NGFR: variants seen among roughly 807,000 people sequenced by gnomAD.
NGFR encodes nerve growth factor receptor, also known as tumor necrosis factor receptor superfamily member 16.
In NGFR, 30 loss-of-function variants were observed where a neutral mutation model predicts 43.2. The observed-to-expected ratio is 0.69, with a 90% CI of 0.52 to 0.94. The LOEUF (loss-of-function observed/expected upper bound fraction) is 0.94, where lower values mean the gene tolerates loss of function less well. NGFR is among the 40% of genes least tolerant of loss of function. NGFR has a pLI of 0.00. For missense variants in NGFR, 529 were observed against 602.5 expected (o/e 0.88, Z 1.28); for synonymous variants, 246 against 259.6 (o/e 0.95, Z 0.50).
In NGFR at chr17:49,512,097, G is replaced by A. The variant is rs1326328884; in HGVS notation, c.982+45G>A. ...GGAGCTGAGGCGGAGCTGAGGCTGAGGAAACAGAAGCAATTAAGATTAGAC... is the reference window on the plus strand; with the variant it reads ...GGAGCTGAGGCGGAGCTGAGGCTGAAGAAACAGAAGCAATTAAGATTAGAC... On this transcript the variant is annotated intron_variant, in intron 5 of 5. Coordinates refer to ENST00000172229, the MANE Select transcript of NGFR (RefSeq NM_002507.4). The surrounding 1 kb of genome is among the most constrained non-coding windows in gnomAD (Gnocchi z 5.2). 2 of 1,592,900 alleles carry A rather than the reference G, an allele frequency of 1.3e-6. No individual in the cohort carries two copies. The highest frequency in any genetic ancestry group is 1.7e-6 in the Non-Finnish European group (2 of 1,169,324).
Position 49,495,459 on chromosome 17 carries a change from C to CCTG in NGFR, c.49_51dup (p.Leu21dup). 1 of 1,236,620 alleles carries CCTG rather than the reference C, an allele frequency of 8.1e-7. No individual in the cohort carries two copies. 76.6% of individuals were successfully genotyped at this position (1,236,620 alleles called of 1,614,324 possible). A position where few individuals can be genotyped will look rare whatever the true frequency, so the allele number is the denominator to read the frequency against. ...CCGGCCGCGCCATGGACGGGCCGCG[C>CCTG]CTGCTGCTGTTGCTGCTTCTGGGGG... is the stretch of plus-strand genomic sequence containing the variant. On this transcript the variant is annotated inframe_insertion, in exon 1 of 6. Coordinates refer to ENST00000172229, the MANE Select transcript of NGFR (RefSeq NM_002507.4). This position sits in a 1 kb window ranked among gnomAD's most constrained non-coding sequence, Gnocchi z 6.4.
rs1390519290 is a variant in NGFR at position 49,513,155 on chromosome 17, C to CA, written c.*150dup. On this transcript the variant is annotated 3_prime_UTR_variant, in exon 6 of 6. Coordinates refer to ENST00000172229, the MANE Select transcript of NGFR (RefSeq NM_002507.4). ...GGGCAGGACCTCAGAGTCCAGGCCC[C>CA]AAAACCACAGCCCTGTCAGTGCAGC... The CA allele has an allele frequency of 1.2e-6, 1 of 831,994 alleles. No individual in the cohort carries two copies. Among genetic ancestry groups the CA allele is most frequent in the East Asian group, 2.7e-5 (1 of 36,554 alleles). The allele number at this position is 831,994 out of a possible 1,614,324, so 51.5% of individuals were successfully genotyped here. A position where few individuals can be genotyped will look rare whatever the true frequency, so the allele number is the denominator to read the frequency against.
At chr17:49,510,882 C>T (rs1385018021) in intron 4 of NGFR, 1 of 586,696 alleles carries the variant, frequency 1.7e-6, no homozygotes. Context: ...CCTGCCCTGT[C>T]CTGGCTCCAG....
Position 49,512,987 on chromosome 17 carries a change from CCACTG to C in NGFR, c.1264_1268del (p.Thr422HisfsTer70). 1 of 1,585,552 alleles carries C rather than the reference CCACTG, an allele frequency of 6.3e-7. No homozygotes were observed. The highest frequency in any genetic ancestry group is 8.6e-7 in the Non-Finnish European group (1 of 1,164,160). On this transcript the variant is annotated frameshift_variant, in exon 6 of 6. Coordinates refer to ENST00000172229, the MANE Select transcript of NGFR (RefSeq NM_002507.4). LOFTEE classifies it high-confidence loss of function. This position sits in a 1 kb window ranked among gnomAD's most constrained non-coding sequence, Gnocchi z 5.2. ...CTCGTGGAGAGTCTGTGCAGTGAGT[CCACTG>C]CCACATCCCCGGTGTGAGCCCAACC...
intron 2 of NGFR, chr17:49,505,791 T>G (rs1432530583): frequency 6.5e-6 from 1 of 153,800 alleles, no homozygotes; most frequent in African/African-American, 2.4e-5. Context: ...CTAACCCCGG[T>G]CACTCCCATT....
intron 2 of NGFR, chr17:49,506,073 G>A: frequency 1.3e-6 from 1 of 794,918 alleles, no homozygotes; most frequent in Non-Finnish European, 1.8e-6. Flanking sequence ...AGTGCTTCTG[G>A]AGCCTGGAGG....
intron 2 of NGFR, 55 bp from the exon 3 acceptor site, chr17:49,506,244 G>GCGTCC: frequency 6.6e-7 from 1 of 1,507,304 alleles, no homozygotes; most frequent in Non-Finnish European, 8.8e-7. Context: ...TCCAGCTCCT[G>GCGTCC]CGTCCCGGGT....
At chr17:49,501,999 A>AGCGGCCCCCCCCCCC in intron 1 of NGFR, 64 bp from the exon 2 acceptor site, 1 of 330,984 alleles carries the variant, frequency 3.0e-6, no homozygotes, top group Non-Finnish European at 5.9e-6. Flanking sequence ...TCCCCGGAAG[A>AGCGGCCCCCCCCCCC]ACCCCCCCCA....
chr17:49,502,091 G>A lies in NGFR; in HGVS notation c.95G>A (p.Cys32Tyr), dbSNP rs1305958917. Residue 32 changes from cysteine (C) to tyrosine (Y), a missense_variant, in exon 2 of 6, where the codon TGC becomes TAC. Coordinates refer to ENST00000172229, the MANE Select transcript of NGFR (RefSeq NM_002507.4). ...TCCCTTGGAGGTGCCAAGGAGGCAT[G>A]CCCCACAGGCCTGTACACACACAGC... is the stretch of plus-strand genomic sequence containing the variant. ...GVSLGGAKEACPTGLYTHSGE... is the reference protein window; with the variant it reads ...GVSLGGAKEAYPTGLYTHSGE... The A allele has an allele frequency of 2.5e-6, 4 of 1,577,350 alleles. No homozygotes were observed. In the Admixed American group the frequency reaches 6.9e-5, roughly 27 times the overall value.
At chr17:49,501,999 A>AGGGGGCCCCCCCCCCCCC in intron 1 of NGFR, 64 bp from the exon 2 acceptor site, 17 of 330,970 alleles carry the variant, frequency 5.1e-5, no homozygotes, top group Non-Finnish European at 7.6e-5. Flanking sequence ...TCCCCGGAAG[A>AGGGGGCCCCCCCCCCCCC]ACCCCCCCCA....
Position 49,506,625 on chromosome 17 carries a change from G to C in NGFR, c.535G>C (p.Glu179Gln), listed in dbSNP as rs761899992. 2.5e-6 allele frequency: 4 copies of C among 1,588,254 alleles called. No individual in the cohort carries two copies. Among genetic ancestry groups the C allele is most frequent in the Non-Finnish European group, 3.4e-6 (4 of 1,167,608 alleles). Residue 179 changes from glutamate to glutamine, a missense_variant, in exon 3 of 6, where the codon GAG (glutamate) becomes CAG (glutamine). Coordinates refer to ENST00000172229, the MANE Select transcript of NGFR (RefSeq NM_002507.4). ...CGAGGACACCGAGCGCCAGCTCCGC[G>C]AGTGCACACGCTGGGCCGACGCCGA... is the stretch of plus-strand genomic sequence containing the variant. Reference protein sequence around the residue: ...VCEDTERQLRECTRWADAECE... With the variant: ...VCEDTERQLRQCTRWADAECE...
At chr17:49,502,822 TC>T (rs1348493872) in intron 2 of NGFR, among the ~76,000 whole-genome samples, 4 of 117,196 alleles carry the variant, frequency 3.4e-5, no homozygotes, top group African/African-American at 1.3e-4. Context: ...ATTTCTTCCT[TC>T]CTTCCTTCCT....
intron 1 of NGFR, among the ~76,000 whole-genome samples, chr17:49,501,229 A>G (rs547288525): frequency 6.6e-6 from 1 of 152,264 alleles, no homozygotes; most frequent in Non-Finnish European, 1.5e-5. Context: ...CAGTGGCCAC[A>G]TGGGGGAGGG....
chr17:49,506,704 G>GGGGGGGGGGGGGGGGGGGGC, intron 3 of NGFR, 46 bp downstream of exon 3: 3 of 737,232 alleles, frequency 4.1e-6, no homozygotes, highest in South Asian at 2.5e-5. Flanking sequence ...GCGGGGGTGG[G>GGGGGGGGGGGGGGGGGGGGC]CTGGGGGCAT....
intron 2 of NGFR, among the ~76,000 whole-genome samples, chr17:49,503,707 T>C (rs2071180436): frequency 6.6e-6 from 1 of 152,204 alleles, no homozygotes; most frequent in African/African-American, 2.4e-5. Flanking sequence ...CATCCTCCAA[T>C]GCCTTTGCCG....
intron 3 of NGFR, among the ~76,000 whole-genome samples, chr17:49,508,611 G>T (rs1006968290): frequency 6.6e-6 from 1 of 152,188 alleles, no homozygotes; most frequent in Non-Finnish European, 1.5e-5. Flanking sequence ...GGGCAGAAGG[G>T]CTACCCGCTG....
intron 4 of NGFR, 110 bp downstream of exon 4, chr17:49,510,774 C>A: frequency 7.3e-7 from 1 of 1,375,320 alleles, no homozygotes; most frequent in Non-Finnish European, 1.0e-6. Context: ...AACCCCAAAC[C>A]AAGCTCATCC....
Position 49,514,711 on chromosome 17 carries a change from C to T in NGFR, c.*1702C>T, listed in dbSNP as rs2071258663. The stretch of plus-strand genomic sequence containing the variant: ...CTCACCTGCTGGCCCCTCACCTGGG[C>T]ACCTGGGGAGTGGGACAGAGTCTGG... On this transcript the variant is annotated 3_prime_UTR_variant, in exon 6 of 6. Coordinates refer to ENST00000172229, the MANE Select transcript of NGFR (RefSeq NM_002507.4). 6.6e-6 allele frequency: 1 copy of T among 152,214 alleles called. No individual in the cohort carries two copies. The highest frequency in any genetic ancestry group is 1.5e-5 in the Non-Finnish European group (1 of 68,056). 9.4% of individuals were successfully genotyped at this position (152,214 alleles called of 1,614,324 possible).
intron 2 of NGFR, among the ~76,000 whole-genome samples, chr17:49,504,744 C>T (rs58767290): frequency 0.028 from 1,959 of 71,098 alleles, 48 homozygotes; most frequent in African/African-American, 0.15. Context: ...TTCTTCTCTC[C>T]TCTACCCTTT....
Sources: gnomAD v4.1 joint callset for allele counts (sites outside exome capture counted in the v4.1 genomes callset) on GRCh38, gnomAD v4.1.1 for gene constraint, Gnocchi (gnomAD v3.1) non-coding constraint, MANE v1.5 for transcripts, NCBI Gene and HGNC (gene_info 2026-07-23, HGNC 2026-07-21) for gene names.